The following PKD2L1 variants were observed in gnomAD, a reference collection of about 807,000 sequenced individuals.
PKD2L1 encodes the protein polycystin-2-like protein 1.
A neutral mutation model predicts 93.0 loss-of-function variants in PKD2L1; 77 were observed. That is an observed-to-expected ratio of 0.83 (90% CI 0.69 to 1.00). PKD2L1 has a LOEUF of 1.00. Ranked by LOEUF, PKD2L1 falls within the 50% of genes least tolerant of loss-of-function variation. The pLI is 0.00. For synonymous variants in PKD2L1, 390 were observed against 388.0 expected, an observed-to-expected ratio of 1.01 and a Z score of -0.06; for missense variants, 977 against 990.9, an observed-to-expected ratio of 0.99 and a Z score of 0.19.
At chr10:100,325,329 G>C (rs996513323) in intron 2 of PKD2L1, among the ~76,000 whole-genome samples, 3 of 152,138 alleles carry the variant, frequency 2.0e-5, no homozygotes, top group Non-Finnish European at 4.4e-5. Context: ...GCCTAATGGA[G>C]AGCTGAGACA....
At chr10:100,293,499 T>C in intron 9 of PKD2L1, 120 bp from the exon 10 acceptor site, 1 of 673,394 alleles carries the variant, frequency 1.5e-6, no homozygotes, top group Non-Finnish European at 2.7e-6. Flanking sequence ...TCAACCCCAG[T>C]TCGGCAGCCC....
rs144837625 is a variant in PKD2L1 at position 100,294,543 on chromosome 10, C to A, written c.1651G>T (p.Val551Leu). The A allele has an allele frequency of 1.2e-6, 2 of 1,613,726 alleles. No individual in the cohort carries two copies. Among genetic ancestry groups the A allele is most frequent in the Non-Finnish European group, 1.7e-6 (2 of 1,179,938 alleles). ...FVTYVFFVFF[V>L]LLNMFLAIIN... ...CTCAGAGAGACCCTCACCAGGAGCA[C>A]GAAGAAGACGAAGAAGACATAGGTG... The change falls in exon 9 of 16, where the codon GTG (valine) becomes TTG (leucine). Residue 551 changes from valine (V) to leucine (L), a missense_variant. Coordinates refer to ENST00000318222, the MANE Select transcript of PKD2L1 (RefSeq NM_016112.3).
intron 12 of PKD2L1, 104 bp downstream of exon 12, chr10:100,291,197 T>C: frequency 8.4e-7 from 1 of 1,194,728 alleles, no homozygotes; most frequent in East Asian, 2.4e-5. Context: ...TTCTTTACTA[T>C]CTATGGGAGA....
intron 6 of PKD2L1, 74 bp from the exon 7 acceptor site, chr10:100,296,366 A>G: frequency 8.1e-7 from 1 of 1,238,048 alleles, no homozygotes; most frequent in Non-Finnish European, 1.1e-6. Context: ...TGAGGCCCCA[A>G]GGGAGAGTCA....
In PKD2L1 at chr10:100,293,399, C is replaced by T; in HGVS notation, c.1660-20G>A. The T allele has an allele frequency of 6.7e-7, 1 of 1,488,374 alleles. No individual in the cohort carries two copies. Among genetic ancestry groups the T allele is most frequent in the Middle Eastern group, 1.7e-4 (1 of 5,728 alleles). The allele number at this position is 1,488,374 out of a possible 1,614,324, so 92.2% of individuals were successfully genotyped here. On this transcript the variant is annotated intron_variant, in intron 9 of 15. Coordinates refer to ENST00000318222, the MANE Select transcript of PKD2L1 (RefSeq NM_016112.3). ...CATGTTCTGGAAAATGAAGTGGGGA[C>T]CTGGGTCCTCACCCCCAGACCCACT...
chr10:100,292,664 G>A (rs1365788472), intron 11 of PKD2L1, among the ~76,000 whole-genome samples: 1 of 152,176 alleles, frequency 6.6e-6, no homozygotes, highest in Non-Finnish European at 1.5e-5. Context: ...TCAGAGTTTT[G>A]TGGGAGTGGG....
intron 2 of PKD2L1, among the ~76,000 whole-genome samples, chr10:100,325,977 C>T (rs1849370626): frequency 6.6e-6 from 1 of 152,210 alleles, no homozygotes; most frequent in Admixed American, 6.5e-5. Context: ...ACATAGTCGA[C>T]TTCAGAGCCT....
intron 2 of PKD2L1, among the ~76,000 whole-genome samples, chr10:100,309,889 C>A (rs967609567): frequency 1.3e-5 from 2 of 152,078 alleles, no homozygotes; most frequent in Non-Finnish European, 2.9e-5. Context: ...CTGAACCCTG[C>A]AATAAATCCC....
At chr10:100,323,516 G>A (rs1454949229) in intron 2 of PKD2L1, among the ~76,000 whole-genome samples, 9 of 152,040 alleles carry the variant, frequency 5.9e-5, no homozygotes, top group Admixed American at 2.6e-4. Flanking sequence ...TGGTCCACCC[G>A]CCTCGGTCTG....
intron 9 of PKD2L1, among the ~76,000 whole-genome samples, chr10:100,293,811 A>G (rs1307066656): frequency 6.6e-6 from 1 of 152,188 alleles, no homozygotes; most frequent in Non-Finnish European, 1.5e-5. Context: ...CTTGTTAGTA[A>G]AAATAAAATC....
At chr10:100,298,451 TA>T in intron 4 of PKD2L1, 110 bp downstream of exon 4, 1 of 1,138,078 alleles carries the variant, frequency 8.8e-7, no homozygotes, top group Non-Finnish European at 1.3e-6. Flanking sequence ...AGAAGTCCCT[TA>T]AAGAGCTCTG....
In PKD2L1 at chr10:100,298,544, T is replaced by C. The variant is rs546663665; in HGVS notation, c.731+18A>G. 6.2e-6 allele frequency: 10 copies of C among 1,612,590 alleles called. 1 individual carries two copies. In the African/African-American group the frequency reaches 9.3e-5, roughly 15 times the overall value. On this transcript the variant is annotated intron_variant, in intron 4 of 15. Coordinates refer to ENST00000318222, the MANE Select transcript of PKD2L1 (RefSeq NM_016112.3). ...AGAGGGGCAAGCCCTGTGATATTGG[T>C]AGGACAGGCTCACTCACGCTGTGCC...
At position 100,297,040 on chromosome 10, in the gene PKD2L1, G is replaced by A; in HGVS notation, c.1125C>T (p.His375=). Residue 375 remains histidine (H), a synonymous_variant, in exon 6 of 16, where the codon CAC becomes CAT. Transcript: ENST00000318222. ...YYVVEEILEL[H]IHRLRYLSSI... is the part of the protein sequence containing the mutation. The stretch of plus-strand genomic sequence containing the variant: ...TGCTGAGGTAGCGAAGCCGGTGAAT[G>A]TGGAGCTCCAGGATCTCTTCCACCA... 6.2e-7 allele frequency: 1 copy of A among 1,614,196 alleles called. No individual in the cohort carries two copies. The highest frequency in any genetic ancestry group is 1.3e-5 in the African/African-American group (1 of 75,052).
At chr10:100,301,429 C>T (rs1211548162) in intron 2 of PKD2L1, among the ~76,000 whole-genome samples, 2 of 150,944 alleles carry the variant, frequency 1.3e-5, no homozygotes, top group Non-Finnish European at 2.9e-5. Context: ...ATAAGGCAGA[C>T]ACCCCCAGAG....
intron 2 of PKD2L1, among the ~76,000 whole-genome samples, chr10:100,321,794 G>A (rs1346895390): frequency 9.3e-5 from 1 of 10,746 alleles, no homozygotes; most frequent in Non-Finnish European, 2.0e-4. Flanking sequence ...GAGGGAGGGA[G>A]GGAGGGAGGG....
chr10:100,305,545 C>G (rs1184364765), intron 2 of PKD2L1, among the ~76,000 whole-genome samples: 1 of 152,056 alleles, frequency 6.6e-6, no homozygotes, highest in African/African-American at 2.4e-5. Flanking sequence ...TTCCTTAGTC[C>G]AAAGAGAACA....
intron 12 of PKD2L1, 95 bp downstream of exon 12, chr10:100,291,206 G>C (rs1210097751): frequency 7.9e-7 from 1 of 1,270,934 alleles, no homozygotes; most frequent in Non-Finnish European, 1.1e-6. Flanking sequence ...ATCTATGGGA[G>C]AGTTTTCAGG....
At chr10:100,306,380 A>C (rs138016090) in intron 2 of PKD2L1, among the ~76,000 whole-genome samples, 124 of 152,282 alleles carry the variant, frequency 8.1e-4, no homozygotes, top group African/African-American at 2.8e-3. Context: ...TAGAAAGAGA[A>C]AAAAGCTTCC....
intron 2 of PKD2L1, among the ~76,000 whole-genome samples, chr10:100,307,130 CA>C: frequency 6.6e-6 from 1 of 152,272 alleles, no homozygotes; most frequent in South Asian, 2.1e-4. Flanking sequence ...CAAGACTAGA[CA>C]CCTATTGCCT....
Sources: gnomAD v4.1 joint callset for allele counts (sites outside exome capture counted in the v4.1 genomes callset) on GRCh38, gnomAD v4.1.1 for gene constraint, MANE v1.5 for transcripts, NCBI Gene and HGNC (gene_info 2026-07-23, HGNC 2026-07-21) for gene names.